USP10: variants seen among roughly 807,000 people sequenced by gnomAD.
USP10 encodes the protein ubiquitin specific peptidase 10.
A neutral mutation model predicts 84.5 loss-of-function variants in USP10; 22 were observed. The ratio of observed to expected loss-of-function variants is 0.26; its 90% confidence interval spans 0.19 to 0.37. The LOEUF is 0.37. Among genes scored for constraint, USP10 ranks in the 10% least tolerant of loss-of-function variants. USP10 has a pLI of 1.00. For missense variants in USP10, 1,019 were observed against 998.9 expected (o/e 1.02, Z -0.27); for synonymous variants, 454 against 387.6 (o/e 1.17, Z -2.01).
intron 1 of USP10, among the ~76,000 whole-genome samples, chr16:84,729,894 G>T (rs1908987862): frequency 6.6e-6 from 1 of 152,278 alleles, no homozygotes; most frequent in African/African-American, 2.4e-5. Context: ...TACTTATGGT[G>T]TATTTTTTTG....
intron 1 of USP10, chr16:84,704,721 T>G: frequency 6.6e-7 from 1 of 1,504,390 alleles, no homozygotes; most frequent in Non-Finnish European, 8.9e-7. Flanking sequence ...GAACTGGCTA[T>G]TTTCTGGCTA....
intron 1 of USP10, among the ~76,000 whole-genome samples, chr16:84,723,740 C>T (rs1287319401): frequency 6.6e-6 from 1 of 152,198 alleles, no homozygotes; most frequent in Non-Finnish European, 1.5e-5. Context: ...GGAGGTATAA[C>T]GTATGTGCGG....
chr16:84,708,956 G>A lies in USP10; in HGVS notation c.21+8845G>A, dbSNP rs1018482329. ...GTTCGCTGGGTAGTGAGGGAGAGAAGCAGGCTAATGGCTGGGTGCATCCAG... is the reference window on the plus strand; with the variant it reads ...GTTCGCTGGGTAGTGAGGGAGAGAAACAGGCTAATGGCTGGGTGCATCCAG... On this transcript the variant is annotated intron_variant, in intron 1 of 13. Coordinates refer to ENST00000219473, the MANE Select transcript of USP10 (RefSeq NM_005153.3). 2 of 152,224 alleles carry A rather than the reference G, an allele frequency of 1.3e-5. 1 individual carries two copies. The highest frequency in any genetic ancestry group is 1.3e-4 in the Admixed American group (2 of 15,282). 9.4% of individuals were successfully genotyped at this position (152,224 alleles called of 1,614,324 possible). A position where few individuals can be genotyped will look rare whatever the true frequency, so the allele number is the denominator to read the frequency against.
chr16:84,777,188 G>C (rs1465817865), intron 13 of USP10, among the ~76,000 whole-genome samples: 2 of 152,184 alleles, frequency 1.3e-5, no homozygotes, highest in African/African-American at 4.8e-5. Flanking sequence ...CCTGTCAGGG[G>C]GGCTTGCAGG....
intron 1 of USP10, among the ~76,000 whole-genome samples, chr16:84,722,051 T>G (rs8060744): frequency 0.8 from 121,869 of 152,202 alleles, 49,636 homozygotes; most frequent in Admixed American, 0.89. Flanking sequence ...CCACACTCCA[T>G]ATATAGAACA....
At chr16:84,736,479 A>T (rs1909950591) in intron 2 of USP10, among the ~76,000 whole-genome samples, 1 of 152,238 alleles carries the variant, frequency 6.6e-6, no homozygotes. Context: ...GGTGAAAGGT[A>T]GCTGGCATCT....
intron 4 of USP10, among the ~76,000 whole-genome samples, chr16:84,754,102 C>T (rs745425144): frequency 1.3e-5 from 2 of 152,080 alleles, no homozygotes; most frequent in Admixed American, 1.3e-4. Context: ...TAAGGAGCCT[C>T]CTGTCCAGAG....
intron 8 of USP10, among the ~76,000 whole-genome samples, chr16:84,762,116 A>T (rs1913278408): frequency 6.6e-6 from 1 of 152,278 alleles, no homozygotes; most frequent in Non-Finnish European, 1.5e-5. Flanking sequence ...ATGTGGGATT[A>T]TTAAACTCTT....
At chr16:84,753,111 C>G (rs1912123606) in intron 4 of USP10, among the ~76,000 whole-genome samples, 3 of 152,064 alleles carry the variant, frequency 2.0e-5, no homozygotes, top group Non-Finnish European at 4.4e-5. Flanking sequence ...GGACTATAGG[C>G]AGGCACCACC....
At chr16:84,718,870 G>T (rs1907408355) in intron 1 of USP10, among the ~76,000 whole-genome samples, 1 of 150,674 alleles carries the variant, frequency 6.6e-6, no homozygotes. Context: ...TCAGCTCACT[G>T]CAACCTCCAC....
intron 11 of USP10, among the ~76,000 whole-genome samples, chr16:84,770,787 A>G (rs1349417728): frequency 3.3e-5 from 5 of 150,914 alleles, no homozygotes; most frequent in Non-Finnish European, 7.4e-5. Context: ...AAAAAAAAAA[A>G]AAATCTCCAG....
chr16:84,759,149 A>G, intron 5 of USP10: 1 of 601,434 alleles, frequency 1.7e-6, no homozygotes, highest in Non-Finnish European at 3.0e-6. Flanking sequence ...TCTTGAATAC[A>G]AACGACTGAC....
chr16:84,704,939 G>C, intron 1 of USP10: 2 of 1,529,610 alleles, frequency 1.3e-6, no homozygotes, highest in Non-Finnish European at 1.8e-6. Context: ...GCTCACATGA[G>C]AATTGTTAGG....
chr16:84,745,030 A>G lies in USP10; in HGVS notation c.549A>G (p.Ser183=), dbSNP rs1400147940. ...TEALVNGHAN[S]AVPNSVSAED... is the part of the protein sequence containing the mutation. ...CCCTGGTCAATGGCCATGCCAATTC[A>G]GCAGTCCCGAACAGTGTCAGTGCAG... is the stretch of plus-strand genomic sequence containing the variant. The change falls in exon 4 of 14, where the codon TCA becomes TCG. Residue 183 remains serine (S), a synonymous_variant. Transcript: ENST00000219473. 4 of 1,613,854 alleles carry G rather than the reference A, an allele frequency of 2.5e-6. 1 individual carries two copies. The South Asian group carries it at 4.4e-5, about 18-fold the overall frequency.
At chr16:84,756,059 C>A (rs1912497119) in intron 4 of USP10, among the ~76,000 whole-genome samples, 1 of 152,100 alleles carries the variant, frequency 6.6e-6, no homozygotes. Context: ...GTTTCTGCAG[C>A]CCTTGGATTG....
At chr16:84,737,070 G>A (rs1045790264) in intron 2 of USP10, among the ~76,000 whole-genome samples, 1 of 152,126 alleles carries the variant, frequency 6.6e-6, no homozygotes, top group Non-Finnish European at 1.5e-5. Flanking sequence ...TTACAGGCGT[G>A]AGCCACCACG....
intron 2 of USP10, among the ~76,000 whole-genome samples, chr16:84,735,323 C>G (rs535732283): frequency 6.6e-6 from 1 of 151,996 alleles, no homozygotes; most frequent in African/African-American, 2.4e-5. Context: ...TACAGGTTTT[C>G]TCAAGTGTGT....
chr16:84,772,565 C>T lies in USP10; in HGVS notation c.2023C>T (p.Leu675=). ...QEVEISRRVT[L]EKLPPVLVLH... Reference sequence around the variant, plus strand: ...GGTTGAGATAAGTCGAAGAGTGACTCTGGAAAAACTCCCTCCTGTCCTCGT... The same window carrying T: ...GGTTGAGATAAGTCGAAGAGTGACTTTGGAAAAACTCCCTCCTGTCCTCGT... Residue 675 remains leucine, a synonymous_variant, in exon 12 of 14, where the codon CTG becomes TTG. Coordinates refer to ENST00000219473, the MANE Select transcript of USP10 (RefSeq NM_005153.3). 1 of 1,613,902 alleles carries T rather than the reference C, an allele frequency of 6.2e-7. No individual in the cohort carries two copies. Among genetic ancestry groups the T allele is most frequent in the Non-Finnish European group, 8.5e-7 (1 of 1,179,848 alleles).
chr16:84,705,617 G>T (rs1193789847), intron 1 of USP10, among the ~76,000 whole-genome samples: 3 of 151,484 alleles, frequency 2.0e-5, no homozygotes, highest in Non-Finnish European at 4.4e-5. Flanking sequence ...TGATCTGATG[G>T]TGCTAGATTT....
Sources: allele counts gnomAD v4.1 joint callset (sites outside exome capture counted in the v4.1 genomes callset), GRCh38; gene constraint gnomAD v4.1.1; transcripts MANE v1.5; gene names NCBI Gene and HGNC (gene_info 2026-07-23, HGNC 2026-07-21).